The following GRAMD4 variants were observed in gnomAD, a reference collection of about 807,000 sequenced individuals.
GRAMD4 encodes the protein GRAM domain-containing protein 4.
In GRAMD4, 25 loss-of-function variants were observed where a neutral mutation model predicts 83.9. The observed-to-expected ratio is 0.30, with a 90% CI of 0.22 to 0.42. The LOEUF (loss-of-function observed/expected upper bound fraction) is 0.42, where lower values mean the gene tolerates loss of function less well. GRAMD4 is among the 10% of genes least tolerant of loss of function. GRAMD4 has a pLI of 1.00. For synonymous variants in GRAMD4, 336 were observed against 320.9 expected (o/e 1.05, Z -0.50); for missense variants, 593 against 788.7 (o/e 0.75, Z 2.97).
intron 1 of GRAMD4, among the ~76,000 whole-genome samples, chr22:46,603,513 C>CTTTTTTTTTTTTTTTT (rs1569254347): frequency 1.1e-4 from 12 of 106,014 alleles, no homozygotes; most frequent in African/African-American, 4.0e-4. Flanking sequence ...CCGGCCTCTT[C>CTTTTTTTTTTTTTTTT]TCTTTTTTTT....
rs185802482 is a variant in GRAMD4, at chr22:46,667,588, G to A, written c.859-508G>A. Among the ~76,000 whole-genome samples, 342 of 152,378 alleles carry A rather than the reference G, an allele frequency of 2.2e-3. 1 individual carries two copies. The highest frequency in any genetic ancestry group is 3.7e-3 in the Non-Finnish European group (251 of 68,044). Reference sequence around the variant, plus strand: ...GGGGCAGGACCACTGGGCGTGGGCAGAAGGGAGGCCTCGGTGCCTCCACGG... The same window carrying A: ...GGGGCAGGACCACTGGGCGTGGGCAAAAGGGAGGCCTCGGTGCCTCCACGG... On this transcript the variant is annotated intron_variant, in intron 10 of 18. Transcript: ENST00000406902.
rs770707963 is a variant in GRAMD4 at position 46,668,847 on chromosome 22, G to A, written c.1023G>A (p.Ala341=). Reference sequence around the variant, plus strand: ...AGATCACACAGAAGCTGTATGTGGCGCTCTGGGCTGCCTTCCTGGCCTCCT... The same window carrying A: ...AGATCACACAGAAGCTGTATGTGGCACTCTGGGCTGCCTTCCTGGCCTCCT... ...QPEITQKLYV[A]LWAAFLASCF... The change falls in exon 13 of 19, where the codon GCG becomes GCA. Residue 341 remains alanine (A), a synonymous_variant. Transcript: ENST00000406902. 56 of 1,612,650 alleles carry A rather than the reference G, an allele frequency of 3.5e-5. No homozygotes were observed. Among genetic ancestry groups the A allele is most frequent in the Middle Eastern group, 1.6e-4 (1 of 6,084 alleles).
chr22:46,622,683 G>A lies in GRAMD4; in HGVS notation c.-50+2118G>A, dbSNP rs766143642. ...AATCCCAGCACTTTGGGAGGCCGAG[G>A]CGGGTGGATCACGAGGTCAGGAGAT... On this transcript the variant is annotated intron_variant, in intron 1 of 18. Coordinates refer to ENST00000406902, the MANE Select transcript of GRAMD4 (RefSeq NM_015124.5). The surrounding 1 kb of genome is among the most constrained non-coding windows in gnomAD (Gnocchi z 4.0). Among the ~76,000 whole-genome samples, 18 of 152,300 alleles carry A rather than the reference G, an allele frequency of 1.2e-4. No individual in the cohort carries two copies. In the East Asian group the frequency reaches 1.4e-3, roughly 11 times the overall value.
At chr22:46,579,685 C>A (rs560130303) in intron 1 of GRAMD4, among the ~76,000 whole-genome samples, 3 of 152,186 alleles carry the variant, frequency 2.0e-5, no homozygotes, top group African/African-American at 4.8e-5. Context: ...CCACATGAAG[C>A]CCCCTTCCAT....
chr22:46,661,423 C>A lies in GRAMD4; in HGVS notation c.447C>A (p.Ala149=). 2 of 1,611,502 alleles carry A rather than the reference C, an allele frequency of 1.2e-6. No individual in the cohort carries two copies. Among genetic ancestry groups the A allele is most frequent in the Non-Finnish European group, 1.7e-6 (2 of 1,179,668 alleles). ...CTCAGCAGCCCCCAAAAGGGCAGGCCCAGGCCAGCAATGGAGCAGGTACAC... is the reference window on the plus strand; with the variant it reads ...CTCAGCAGCCCCCAAAAGGGCAGGCACAGGCCAGCAATGGAGCAGGTACAC... ...QMAQQPPKGQ[A]QASNGAERRS... is the part of the protein sequence containing the mutation. Residue 149 remains alanine, a synonymous_variant, in exon 5 of 19, where the codon GCC becomes GCA. Coordinates refer to ENST00000406902, the MANE Select transcript of GRAMD4 (RefSeq NM_015124.5).
rs888722945 is a variant in GRAMD4 at position 46,678,568 on chromosome 22, C to T, written c.*1317C>T. 5.1e-6 allele frequency: 5 copies of T among 985,506 alleles called. No homozygotes were observed. The highest frequency in any genetic ancestry group is 6.0e-6 in the Non-Finnish European group (5 of 829,946). The allele number at this position is 985,506 out of a possible 1,614,324, so 61.0% of individuals were successfully genotyped here. A position where few individuals can be genotyped will look rare whatever the true frequency, so the allele number is the denominator to read the frequency against. ...GTGGCCACCCCGCGGGCCTGCGTGT[C>T]TGCTGGGGCGGATCCCGCAGCTCCC... On this transcript the variant is annotated 3_prime_UTR_variant, in exon 19 of 19. Coordinates refer to ENST00000406902, the MANE Select transcript of GRAMD4 (RefSeq NM_015124.5).
At chr22:46,658,118 C>T in intron 3 of GRAMD4, 69 bp from the exon 4 acceptor site, 1 of 1,598,240 alleles carries the variant, frequency 6.3e-7, no homozygotes, top group Admixed American at 1.7e-5. Context: ...GGCACCCCTG[C>T]CCCAGCATCC....
intron 1 of GRAMD4, among the ~76,000 whole-genome samples, chr22:46,586,359 C>T (rs1175577673): frequency 9.2e-5 from 14 of 152,078 alleles, no homozygotes; most frequent in Non-Finnish European, 2.1e-4. Context: ...TGGGCTGGCT[C>T]AGTCCGGTGC....
intron 3 of GRAMD4, among the ~76,000 whole-genome samples, chr22:46,654,346 C>A (rs1013919596): frequency 6.6e-6 from 1 of 152,240 alleles, no homozygotes; most frequent in Admixed American, 6.5e-5. Flanking sequence ...GGTTCACATG[C>A]TCCATGCTGC....
At chr22:46,591,705 T>C (rs6007941) in intron 1 of GRAMD4, among the ~76,000 whole-genome samples, 139,651 of 151,894 alleles carry the variant, frequency 0.92, 64,322 homozygotes, top group East Asian at 1. Context: ...TGGTGGTGGG[T>C]GCCTGTAATC....
In GRAMD4 at chr22:46,626,755, C is replaced by T; in HGVS notation, c.-45C>T. ...GACCACGCCCCTCTCTTGCAGGGAA[C>T]CCGAGCGTCATGTTAGGGTGAAGCA... On this transcript the variant is annotated 5_prime_UTR_variant, in exon 2 of 19. Transcript: ENST00000406902. 2.5e-6 allele frequency: 4 copies of T among 1,597,872 alleles called. No homozygotes were observed. The highest frequency in any genetic ancestry group is 2.2e-5 in the East Asian group (1 of 44,542).
chr22:46,647,791 G>A (rs185349779), intron 3 of GRAMD4, among the ~76,000 whole-genome samples: 13 of 152,368 alleles, frequency 8.5e-5, no homozygotes, highest in African/African-American at 2.6e-4. Context: ...CATTCCCCAG[G>A]CCAGCAAGCC....
chr22:46,626,799 C>G lies in GRAMD4; in HGVS notation c.-1C>G, dbSNP rs1444491928. 3.7e-6 allele frequency: 6 copies of G among 1,613,726 alleles called. No homozygotes were observed. The South Asian group carries it at 6.6e-5, about 18-fold the overall frequency. On this transcript the variant is annotated 5_prime_UTR_variant, in exon 2 of 19. Transcript: ENST00000406902. ...TGAAGCAGAGGACCTCAGTGCTGAA[C>G]ATGCTAAGGAGGTTGGACAAAATCA...
chr22:46,682,701 G>A (rs1345348801), downstream of GRAMD4, among the ~76,000 whole-genome samples: 1 of 152,226 alleles, frequency 6.6e-6, no homozygotes, highest in African/African-American at 2.4e-5. Flanking sequence ...AGTGTAGCAC[G>A]CATATCCTGA....
chr22:46,671,993 C>A (rs1334926229), intron 13 of GRAMD4, among the ~76,000 whole-genome samples: 2 of 152,250 alleles, frequency 1.3e-5, no homozygotes, highest in African/African-American at 4.8e-5. Flanking sequence ...ACCCTGGGGC[C>A]CCTGCAGGGA....
At chr22:46,679,911 C>T, downstream of GRAMD4, 1 of 394,824 alleles carries the variant, frequency 2.5e-6, no homozygotes, top group Non-Finnish European at 3.4e-6. Context: ...CCCACGGCTG[C>T]CGGCGGCGGG....
chr22:46,679,383 G>A lies in GRAMD4; in HGVS notation c.*2132G>A. 1 of 985,464 alleles carries A rather than the reference G, an allele frequency of 1.0e-6. No homozygotes were observed. 61.0% of individuals were successfully genotyped at this position (985,464 alleles called of 1,614,324 possible). The stretch of plus-strand genomic sequence containing the variant: ...AGGGAGGGCCACATTCGGGGAGCGG[G>A]GGGTCGGGGGAGGGCCACCGACTGG... On this transcript the variant is annotated 3_prime_UTR_variant, in exon 19 of 19. Coordinates refer to ENST00000406902, the MANE Select transcript of GRAMD4 (RefSeq NM_015124.5).
chr22:46,675,661 C>T (rs562373725), intron 17 of GRAMD4, 109 bp downstream of exon 17: 74 of 769,328 alleles, frequency 9.6e-5, no homozygotes, highest in African/African-American at 1.7e-4. Flanking sequence ...AGCATCTGGG[C>T]GCCGCGGCCA....
chr22:46,610,642 C>G (rs1363861427), intron 1 of GRAMD4, among the ~76,000 whole-genome samples: 1 of 152,214 alleles, frequency 6.6e-6, no homozygotes, highest in Non-Finnish European at 1.5e-5. Context: ...AGACAGCTTT[C>G]AGCTTGTGGG....
Sources: gnomAD v4.1 joint callset for allele counts (sites outside exome capture counted in the v4.1 genomes callset) on GRCh38, gnomAD v4.1.1 for gene constraint, Gnocchi (gnomAD v3.1) non-coding constraint, MANE v1.5 for transcripts, NCBI Gene and HGNC (gene_info 2026-07-23, HGNC 2026-07-21) for gene names.